The following PXDNL variants were observed in gnomAD, a reference collection of about 807,000 sequenced individuals.
PXDNL encodes peroxidasin like, also known as probable oxidoreductase PXDNL.
In PXDNL, 145 loss-of-function variants were observed where a neutral mutation model predicts 150.8. The observed-to-expected ratio is 0.96, with a 90% CI of 0.84 to 1.10. The LOEUF is 1.10. PXDNL is among the 50% of genes least tolerant of loss of function. PXDNL has a pLI of 0.00. For synonymous variants in PXDNL, 757 were observed against 725.7 expected (o/e 1.04, Z -0.69); for missense variants, 2,087 against 1,873.9 (o/e 1.11, Z -2.10).
At chr8:51,600,740 A>G (rs530035644) in intron 2 of PXDNL, among the ~76,000 whole-genome samples, 1 of 136,456 alleles carries the variant, frequency 7.3e-6, no homozygotes, top group African/African-American at 2.7e-5. Context: ...TATCTTATAT[A>G]AATTATATAG....
At chr8:51,807,949 C>G (rs1294813492) in intron 1 of PXDNL, among the ~76,000 whole-genome samples, 1 of 152,162 alleles carries the variant, frequency 6.6e-6, no homozygotes, top group Non-Finnish European at 1.5e-5. Flanking sequence ...GTCCACATAG[C>G]AATAAGCAGT....
At chr8:51,489,674 A>T (rs1377033941) in intron 5 of PXDNL, among the ~76,000 whole-genome samples, 1 of 152,214 alleles carries the variant, frequency 6.6e-6, no homozygotes, top group Non-Finnish European at 1.5e-5. Context: ...TTGATTTCCT[A>T]TAAAATAGAA....
intron 13 of PXDNL, among the ~76,000 whole-genome samples, chr8:51,425,550 T>C (rs1809068912): frequency 6.6e-6 from 1 of 152,092 alleles, no homozygotes; most frequent in Non-Finnish European, 1.5e-5. Flanking sequence ...ATATTCAGAC[T>C]AGGCTGGGCG....
chr8:51,374,829 C>CA (rs1412875402), intron 17 of PXDNL, 98 bp from the exon 18 acceptor site: 7 of 1,367,818 alleles, frequency 5.1e-6, no homozygotes, highest in East Asian at 2.5e-5. Context: ...TTTATCCACA[C>CA]AAAAAAAGAA....
chr8:51,320,209 C>T lies in PXDNL; in HGVS notation c.4261-187G>A, dbSNP rs535474029. Reference sequence around the variant, plus strand: ...TCTTTCTTTCTATACATTTGCAGCACGAACAGCAAGCCTGCCCTATAAAAT... The same window carrying T: ...TCTTTCTTTCTATACATTTGCAGCATGAACAGCAAGCCTGCCCTATAAAAT... On this transcript the variant is annotated intron_variant, in intron 22 of 22. Coordinates refer to ENST00000356297, the MANE Select transcript of PXDNL (RefSeq NM_144651.5). Among the ~76,000 whole-genome samples, 43 of 152,278 alleles carry T rather than the reference C, an allele frequency of 2.8e-4. 1 individual carries two copies. In the South Asian group the frequency reaches 8.1e-3, roughly 29 times the overall value.
chr8:51,501,951 G>A (rs928114691), intron 4 of PXDNL, among the ~76,000 whole-genome samples: 14 of 152,316 alleles, frequency 9.2e-5, no homozygotes, highest in African/African-American at 2.6e-4. Context: ...GAAATGTATC[G>A]CATGGTTGGA....
chr8:51,714,498 A>T (rs1816569487), intron 1 of PXDNL, among the ~76,000 whole-genome samples: 1 of 152,160 alleles, frequency 6.6e-6, no homozygotes, highest in Admixed American at 6.5e-5. Context: ...CTCAATGGGA[A>T]AAAAAGATTT....
At chr8:51,781,255 G>A (rs1275662008) in intron 1 of PXDNL, among the ~76,000 whole-genome samples, 1 of 152,178 alleles carries the variant, frequency 6.6e-6, no homozygotes, top group Non-Finnish European at 1.5e-5. Flanking sequence ...AAGCGGAGAG[G>A]AAGCATGCAG....
At chr8:51,578,021 G>GA in intron 3 of PXDNL, among the ~76,000 whole-genome samples, 1 of 115,150 alleles carries the variant, frequency 8.7e-6, no homozygotes, top group South Asian at 2.7e-4. Flanking sequence ...AAGGAAGGAA[G>GA]GAAGGAAGGA....
chr8:51,506,333 G>A (rs1357559060), intron 4 of PXDNL, among the ~76,000 whole-genome samples: 1 of 152,026 alleles, frequency 6.6e-6, no homozygotes, highest in East Asian at 1.9e-4. Context: ...ACGAGATCAG[G>A]AGATTGAGAC....
intron 3 of PXDNL, among the ~76,000 whole-genome samples, chr8:51,587,589 T>C (rs16916554): frequency 0.078 from 11,849 of 152,182 alleles, 768 homozygotes; most frequent in East Asian, 0.24. Flanking sequence ...AAATGAAAAT[T>C]AACCTCCTGA....
intron 17 of PXDNL, among the ~76,000 whole-genome samples, chr8:51,393,912 A>G (rs1184133831): frequency 6.6e-6 from 1 of 152,214 alleles, no homozygotes; most frequent in African/African-American, 2.4e-5. Flanking sequence ...GAAGTACAAG[A>G]CATTAAATCT....
chr8:51,682,159 G>T (rs11994304), intron 1 of PXDNL, among the ~76,000 whole-genome samples: 5,161 of 152,008 alleles, frequency 0.034, 276 homozygotes, highest in African/African-American at 0.11. Context: ...ACATTACAAA[G>T]ACCATAAAAT....
At chr8:51,661,847 C>CTT (rs5891426) in intron 1 of PXDNL, among the ~76,000 whole-genome samples, 4 of 140,578 alleles carry the variant, frequency 2.8e-5, no homozygotes, top group Non-Finnish European at 6.2e-5. Flanking sequence ...TCTTTCTTTT[C>CTT]TTTTTTTTTT....
chr8:51,700,023 G>C (rs1816219417), intron 1 of PXDNL, among the ~76,000 whole-genome samples: 1 of 152,120 alleles, frequency 6.6e-6, no homozygotes, highest in African/African-American at 2.4e-5. Flanking sequence ...GTGAGACTGA[G>C]ACAGGAAGTG....
At chr8:51,482,496 G>T (rs1262076966) in intron 6 of PXDNL, among the ~76,000 whole-genome samples, 3 of 152,126 alleles carry the variant, frequency 2.0e-5, no homozygotes, top group African/African-American at 7.2e-5. Flanking sequence ...CGTTGGGAAG[G>T]CATGATTTGT....
intron 1 of PXDNL, among the ~76,000 whole-genome samples, chr8:51,715,045 T>A (rs939680756): frequency 6.6e-6 from 1 of 152,226 alleles, no homozygotes; most frequent in African/African-American, 2.4e-5. Flanking sequence ...GCCATTTTCC[T>A]CAGCTCTTTA....
intron 2 of PXDNL, among the ~76,000 whole-genome samples, chr8:51,640,639 C>A (rs936284624): frequency 3.3e-5 from 5 of 152,144 alleles, no homozygotes; most frequent in Admixed American, 6.5e-5. Flanking sequence ...TAGGAATCCA[C>A]CTTACAAGGG....
chr8:51,457,429 T>C, intron 9 of PXDNL, 69 bp downstream of exon 9: 1 of 1,307,048 alleles, frequency 7.7e-7, no homozygotes, highest in Non-Finnish European at 1.1e-6. Context: ...TATTACATAC[T>C]CTAAAGCAGC....
Sources: gnomAD v4.1 joint callset for allele counts (sites outside exome capture counted in the v4.1 genomes callset) on GRCh38, gnomAD v4.1.1 for gene constraint, MANE v1.5 for transcripts, NCBI Gene and HGNC (gene_info 2026-07-23, HGNC 2026-07-21) for gene names.